The following CEP83 variants were observed in gnomAD, a reference collection of about 807,000 sequenced individuals.
CEP83 encodes centrosomal protein 83, also known as centrosomal protein of 83 kDa.
CEP83 carries 70 observed loss-of-function variants against 101.9 expected under a neutral mutation model. The ratio of observed to expected loss-of-function variants is 0.69; its 90% confidence interval spans 0.57 to 0.84. CEP83 has a LOEUF of 0.84. Among genes scored for constraint, CEP83 ranks in the 40% least tolerant of loss-of-function variants. The pLI is 0.00. For missense variants in CEP83, 715 were observed against 787.2 expected (o/e 0.91, Z 1.10); for synonymous variants, 264 against 267.9 (o/e 0.99, Z 0.14).
chr12:94,411,607 C>T lies in CEP83; in HGVS notation c.324+90G>A, dbSNP rs1438789531. On this transcript the variant is annotated intron_variant, in intron 4 of 16. Coordinates refer to ENST00000397809, the MANE Select transcript of CEP83 (RefSeq NM_016122.3). ...GCAAAGTAATCATTAAGGATATAGA[C>T]AGAAATTGCCATATTCACCAAAACT... 3 of 859,934 alleles carry T rather than the reference C, an allele frequency of 3.5e-6. No individual in the cohort carries two copies. The African/African-American group carries it at 5.1e-5, about 15-fold the overall frequency. The allele number at this position is 859,934 out of a possible 1,614,324, so 53.3% of individuals were successfully genotyped here.
At chr12:94,356,022 A>T (rs975117297) in intron 11 of CEP83, among the ~76,000 whole-genome samples, 1 of 151,968 alleles carries the variant, frequency 6.6e-6, no homozygotes, top group African/African-American at 2.4e-5. Context: ...TGTGTCTTTA[A>T]TTCCTCTAGT....
At chr12:94,336,962 T>C (rs80340157) in intron 11 of CEP83, among the ~76,000 whole-genome samples, 4,660 of 152,230 alleles carry the variant, frequency 0.031, 94 homozygotes, top group Non-Finnish European at 0.048. Flanking sequence ...TTTAGGTTAC[T>C]GACTTATAAA....
chr12:94,338,783 C>G (rs1565938432), intron 11 of CEP83, among the ~76,000 whole-genome samples: 1 of 151,998 alleles, frequency 6.6e-6, no homozygotes, highest in East Asian at 1.9e-4. Flanking sequence ...AGTAGGTGAA[C>G]TGGAGGGCCA....
chr12:94,272,845 A>C, the CEP83 span, among the ~76,000 whole-genome samples: 1 of 152,200 alleles, frequency 6.6e-6, no homozygotes, highest in Non-Finnish European at 1.5e-5. Context: ...TGTGGGGTTC[A>C]ATATCAAGCT....
chr12:94,435,517 A>G (rs1204264581), intron 1 of CEP83, among the ~76,000 whole-genome samples, 190 bp from the exon 2 acceptor site: 1 of 152,206 alleles, frequency 6.6e-6, no homozygotes, highest in Non-Finnish European at 1.5e-5. Flanking sequence ...GACAGCCAAA[A>G]AACTCCAAAG....
At chr12:94,435,403 A>T (rs1486661671) in intron 1 of CEP83, 76 bp from the exon 2 acceptor site, 1 of 152,210 alleles carries the variant, frequency 6.6e-6, no homozygotes, top group Non-Finnish European at 1.5e-5. Flanking sequence ...TTACTGCTAG[A>T]GCATACCCAT....
the CEP83 span, chr12:94,277,144 T>G: frequency 1.3e-5 from 2 of 152,006 alleles, no homozygotes; most frequent in African/African-American, 4.8e-5. Context: ...AGATCAAGAG[T>G]TGGTGTCCTG....
chr12:94,389,432 C>T (rs771530656), intron 6 of CEP83, among the ~76,000 whole-genome samples: 4 of 152,120 alleles, frequency 2.6e-5, no homozygotes, highest in African/African-American at 9.7e-5. Flanking sequence ...GTTTCAAGTT[C>T]CCAGATCTTA....
At chr12:94,342,423 C>T (rs1020479771) in intron 11 of CEP83, among the ~76,000 whole-genome samples, 3 of 152,084 alleles carry the variant, frequency 2.0e-5, no homozygotes, top group Non-Finnish European at 4.4e-5. Flanking sequence ...ACAAATAAAG[C>T]CACACAAAAC....
the CEP83 span, among the ~76,000 whole-genome samples, chr12:94,289,979 A>G: frequency 2.2e-4 from 33 of 152,262 alleles, no homozygotes; most frequent in Non-Finnish European, 3.8e-4. Flanking sequence ...CAGCACTAGC[A>G]GCGGGCTGTT....
chr12:94,368,324 T>C (rs1030227639), intron 9 of CEP83, 123 bp from the exon 10 acceptor site: 2 of 678,490 alleles, frequency 2.9e-6, no homozygotes, highest in Non-Finnish European at 4.9e-6. Context: ...TACAAATATA[T>C]ATTCTCAACA....
chr12:94,303,620 G>A (rs76993695), downstream of CEP83: 4 of 664,914 alleles, frequency 6.0e-6, no homozygotes, highest in Non-Finnish European at 7.1e-6. Context: ...ACTGCATGAA[G>A]CCTTGTTAGC....
At chr12:94,298,537 A>T in the CEP83 span, 1 of 1,040,136 alleles carries the variant, frequency 9.6e-7, no homozygotes, top group Non-Finnish European at 1.4e-6. Context: ...TTTGAACATT[A>T]TTTTCTCTGA....
chr12:94,275,469 CAG>C, the CEP83 span, among the ~76,000 whole-genome samples: 2 of 152,186 alleles, frequency 1.3e-5, no homozygotes, highest in Non-Finnish European at 2.9e-5. Context: ...CTCCCCATCA[CAG>C]AGCAGAGGCC....
At chr12:94,345,410 C>T (rs1306761320) in intron 11 of CEP83, among the ~76,000 whole-genome samples, 1 of 152,084 alleles carries the variant, frequency 6.6e-6, no homozygotes, top group Non-Finnish European at 1.5e-5. Flanking sequence ...CGTATTAGGC[C>T]CTTTGTTTAT....
At chr12:94,294,407 C>T in the CEP83 span, 2 of 663,462 alleles carry the variant, frequency 3.0e-6, no homozygotes, top group Admixed American at 4.7e-5. Context: ...TAAGATCCAT[C>T]CAGCCATCTA....
the CEP83 span, chr12:94,278,157 A>C: frequency 7.6e-6 from 3 of 394,010 alleles, no homozygotes; most frequent in East Asian, 2.2e-4. Context: ...AAAAAAAACA[A>C]AACAAAATTC....
Position 94,367,958 on chromosome 12 carries a change from C to A in CEP83, c.1194-15G>T, listed in dbSNP as rs767038162. On this transcript the variant is annotated splice_polypyrimidine_tract_variant and intron_variant, in intron 10 of 16. Coordinates refer to ENST00000397809, the MANE Select transcript of CEP83 (RefSeq NM_016122.3). The stretch of plus-strand genomic sequence containing the variant: ...CGAGTTCTAACCTAAAACAAGAGAT[C>A]ATAATTATGTTACAAGAACTATAAT... 7.5e-6 allele frequency: 12 copies of A among 1,610,084 alleles called. No homozygotes were observed. Among genetic ancestry groups the A allele is most frequent in the Admixed American group, 1.7e-5 (1 of 59,482 alleles).
At chr12:94,451,816 G>A (rs957571962) in intron 1 of CEP83, among the ~76,000 whole-genome samples, 10 of 152,038 alleles carry the variant, frequency 6.6e-5, no homozygotes, top group Admixed American at 2.0e-4. Context: ...CAAAACAAAT[G>A]AATACATATG....
Sources: gnomAD v4.1 joint callset for allele counts (sites outside exome capture counted in the v4.1 genomes callset) on GRCh38, gnomAD v4.1.1 for gene constraint, MANE v1.5 for transcripts, NCBI Gene and HGNC (gene_info 2026-07-23, HGNC 2026-07-21) for gene names.